RAB3GAP1: variants seen among roughly 807,000 people sequenced by gnomAD.
RAB3GAP1 encodes RAB3 GTPase activating protein catalytic subunit 1, also known as rab3 GTPase-activating protein catalytic subunit.
Under a neutral mutation model 130.7 loss-of-function variants are expected in RAB3GAP1, and 86 were observed. That is an observed-to-expected ratio of 0.66 (90% CI 0.55 to 0.79). The LOEUF is 0.79. Ranked by LOEUF, RAB3GAP1 falls within the 30% of genes least tolerant of loss-of-function variation. The probability of loss-of-function intolerance (pLI) is 0.00; values close to 1 mark genes in which losing one functional copy is unlikely to be tolerated. For synonymous variants in RAB3GAP1, 367 were observed against 401.7 expected, an observed-to-expected ratio of 0.91 and a Z score of 1.03; for missense variants, 1,029 against 1,169.4, an observed-to-expected ratio of 0.88 and a Z score of 1.75.
Position 135,135,759 on chromosome 2 carries a change from G to T in RAB3GAP1, c.1750G>T (p.Glu584Ter), listed in dbSNP as rs535429678. ...GGATTCCTGGAGTGACAGCGAAGAA[G>T]AATTTTTTGAATGCCTAAGTGATAC... ...SWDSWSDSEE[E>*]FFECLSDTEE... The change falls in exon 17 of 24, where the codon GAA becomes TAA. Residue 584 changes from glutamate (E) to a stop codon, truncating the protein, a stop_gained. Coordinates refer to ENST00000264158, the MANE Select transcript of RAB3GAP1 (RefSeq NM_012233.3). LOFTEE classifies it high-confidence loss of function. 1.9e-6 allele frequency: 3 copies of T among 1,613,930 alleles called. No individual in the cohort carries two copies. Among genetic ancestry groups the T allele is most frequent in the African/African-American group, 2.7e-5 (2 of 74,914 alleles).
At chr2:135,118,048 G>A (rs1179530212) in intron 7 of RAB3GAP1, among the ~76,000 whole-genome samples, 1 of 151,986 alleles carries the variant, frequency 6.6e-6, no homozygotes, top group African/African-American at 2.4e-5. Flanking sequence ...AGACCAGCCT[G>A]TTGCTCATGC....
chr2:135,151,947 C>T (rs1039733728), intron 18 of RAB3GAP1, among the ~76,000 whole-genome samples: 2 of 152,178 alleles, frequency 1.3e-5, no homozygotes, highest in African/African-American at 4.8e-5. Context: ...CTATATAGTT[C>T]CTCTAACACT....
intron 3 of RAB3GAP1, among the ~76,000 whole-genome samples, chr2:135,071,771 G>A (rs76174790): frequency 2.4e-4 from 37 of 152,300 alleles, no homozygotes; most frequent in African/African-American, 8.9e-4. Flanking sequence ...TTGACATTGA[G>A]GGTAGAGGTC....
At chr2:135,103,023 A>T (rs1690492529) in intron 5 of RAB3GAP1, among the ~76,000 whole-genome samples, 2 of 126,976 alleles carry the variant, frequency 1.6e-5, no homozygotes, top group Non-Finnish European at 3.1e-5. Context: ...AAAAAAAAAA[A>T]TCATTTTTGT....
chr2:135,173,893 T>C (rs997535979), downstream of RAB3GAP1, among the ~76,000 whole-genome samples: 4 of 152,192 alleles, frequency 2.6e-5, no homozygotes, highest in African/African-American at 9.6e-5. Flanking sequence ...GATGCCTCTA[T>C]GGCAAAAGAG....
At chr2:135,175,646 C>T (rs914299639), downstream of RAB3GAP1, 4 of 152,220 alleles carry the variant, frequency 2.6e-5, no homozygotes, top group Non-Finnish European at 5.9e-5. Flanking sequence ...CTGCTACCCA[C>T]TTAACTTTTC....
In RAB3GAP1 at chr2:135,133,946, A is replaced by G. The variant is rs1216569992; in HGVS notation, c.1412A>G (p.His471Arg). ...TGTCTCTGTATGATCAATTTTTACC[A>G]TGGAGGGTTGAAAGGAGTGGCACAC... ...ALCLCMINFY[H>R]GGLKGVAHLW... The change falls in exon 15 of 24, where the codon CAT becomes CGT. Residue 471 changes from histidine (H) to arginine (R), a missense_variant. Physicochemically the swap from His to Arg is conservative, Grantham distance 29 (BLOSUM62 0). Transcript: ENST00000264158. 1.9e-6 allele frequency: 3 copies of G among 1,613,802 alleles called. No individual in the cohort carries two copies. Among genetic ancestry groups the G allele is most frequent in the African/African-American group, 2.7e-5 (2 of 74,922 alleles).
intron 17 of RAB3GAP1, among the ~76,000 whole-genome samples, chr2:135,142,664 A>G (rs943473863): frequency 3.3e-5 from 5 of 152,022 alleles, no homozygotes; most frequent in African/African-American, 1.2e-4. Flanking sequence ...AGGAAGTTCC[A>G]TTCCTAGTTT....
rs201827793 is a variant in RAB3GAP1, at chr2:135,106,756, T to TAA, written c.363-6385_363-6384dup. Among the ~76,000 whole-genome samples the TAA allele has an allele frequency of 1.3e-3, 84 of 65,694 alleles. 2 individuals carry two copies. Among genetic ancestry groups the TAA allele is most frequent in the Admixed American group, 9.6e-3 (72 of 7,492 alleles). 43.1% of individuals were successfully genotyped at this position (65,694 alleles called of 152,430 possible). ...ACACCCAAGAATCATCAATAAATAC[T>TAA]AAAAAAAAAAATAAAAAAATAAAAA... On this transcript the variant is annotated intron_variant, in intron 5 of 23. Coordinates refer to ENST00000264158, the MANE Select transcript of RAB3GAP1 (RefSeq NM_012233.3).
At chr2:135,116,170 C>T (rs1265817431) in intron 7 of RAB3GAP1, among the ~76,000 whole-genome samples, 1 of 152,028 alleles carries the variant, frequency 6.6e-6, no homozygotes, top group Non-Finnish European at 1.5e-5. Context: ...CATCATGTGT[C>T]GTGTGATGGC....
intron 5 of RAB3GAP1, among the ~76,000 whole-genome samples, chr2:135,102,152 G>A (rs1690466573): frequency 6.6e-6 from 1 of 152,240 alleles, no homozygotes; most frequent in Admixed American, 6.5e-5. Flanking sequence ...GGTGGACCCA[G>A]TATAATCACA....
chr2:135,127,183 TTTTC>T (rs1473751769), intron 11 of RAB3GAP1, among the ~76,000 whole-genome samples: 1 of 151,112 alleles, frequency 6.6e-6, no homozygotes, highest in Non-Finnish European at 1.5e-5. Flanking sequence ...TTAAGATGCT[TTTTC>T]TTTTTTTTTT....
intron 3 of RAB3GAP1, among the ~76,000 whole-genome samples, chr2:135,088,522 G>T (rs1245227028): frequency 1.3e-5 from 2 of 151,486 alleles, no homozygotes; most frequent in Non-Finnish European, 2.9e-5. Flanking sequence ...AACCCTGTCT[G>T]TACTGAAAAT....
At chr2:135,160,023 C>G (rs1692421819) in intron 19 of RAB3GAP1, among the ~76,000 whole-genome samples, 1 of 152,080 alleles carries the variant, frequency 6.6e-6, no homozygotes, top group African/African-American at 2.4e-5. Context: ...CTTTGGGGTA[C>G]TGGGTTTCTT....
chr2:135,060,603 C>T (rs1195421319), intron 3 of RAB3GAP1, among the ~76,000 whole-genome samples: 1 of 151,872 alleles, frequency 6.6e-6, no homozygotes, highest in African/African-American at 2.4e-5. Context: ...ATAACTTACA[C>T]TCCTGTCAAG....
chr2:135,137,507 A>G (rs1438026810), intron 17 of RAB3GAP1, among the ~76,000 whole-genome samples: 1 of 152,228 alleles, frequency 6.6e-6, no homozygotes, highest in East Asian at 1.9e-4. Context: ...GATTAAAATA[A>G]GCATCAGTTT....
chr2:135,143,409 T>C (rs1391662764), intron 17 of RAB3GAP1, among the ~76,000 whole-genome samples: 1 of 152,136 alleles, frequency 6.6e-6, no homozygotes, highest in Non-Finnish European at 1.5e-5. Context: ...TTGTTGATTT[T>C]TCTCTGTTGA....
chr2:135,122,084 C>A (rs1044975536), intron 8 of RAB3GAP1, among the ~76,000 whole-genome samples: 1 of 151,254 alleles, frequency 6.6e-6, no homozygotes, highest in Non-Finnish European at 1.5e-5. Context: ...CAGAGTGAGA[C>A]CCTGTCTCAA....
chr2:135,117,409 TTTCTTCTTCTTCTTC>T (rs764864449), intron 7 of RAB3GAP1, among the ~76,000 whole-genome samples: 7 of 100,194 alleles, frequency 7.0e-5, no homozygotes, highest in South Asian at 3.0e-4. Context: ...CAATACTTTA[TTTCTTCTTCTTCTTC>T]TTCTTCTTCT....
Sources: gnomAD v4.1 joint callset for allele counts (sites outside exome capture counted in the v4.1 genomes callset) on GRCh38, gnomAD v4.1.1 for gene constraint, MANE v1.5 for transcripts, NCBI Gene and HGNC (gene_info 2026-07-23, HGNC 2026-07-21) for gene names.